DRC4: variants seen among roughly 807,000 people sequenced by gnomAD.
DRC4 encodes dynein regulatory complex subunit 4, also known as GAS-11.
the DRC4 span, among the ~76,000 whole-genome samples, chr16:90,030,311 A>G: frequency 3.5e-4 from 53 of 151,774 alleles, no homozygotes; most frequent in African/African-American, 1.1e-3. Context: ...CTCCTAGTTG[A>G]TATACTCTAA....
chr16:90,043,348 G>GT, the DRC4 span: 7 of 1,603,430 alleles, frequency 4.4e-6, no homozygotes, highest in Non-Finnish European at 6.0e-6. Flanking sequence ...CGACGTAGCT[G>GT]CCCCCCTGGG....
At chr16:90,029,259 A>G in the DRC4 span, 31 of 1,353,238 alleles carry the variant, frequency 2.3e-5, no homozygotes, top group East Asian at 1.5e-3. Context: ...CCACAGACTC[A>G]GAAGGCTTCT....
the DRC4 span, chr16:90,043,896 C>T: frequency 2.4e-4 from 110 of 454,350 alleles, no homozygotes; most frequent in African/African-American, 2.0e-3. Flanking sequence ...AGGCAGCCTC[C>T]CGCTGCCAGT....
chr16:90,035,315 A>C, the DRC4 span, among the ~76,000 whole-genome samples: 1 of 152,186 alleles, frequency 6.6e-6, no homozygotes. Context: ...GACAGGAATG[A>C]ATCCTTTTAA....
At chr16:90,026,615 C>T in the DRC4 span, among the ~76,000 whole-genome samples, 1 of 152,180 alleles carries the variant, frequency 6.6e-6, no homozygotes, top group Non-Finnish European at 1.5e-5. Context: ...AGGGTCTTTC[C>T]TCTGTTTTGC....
At chr16:90,042,690 G>T in the DRC4 span, among the ~76,000 whole-genome samples, 1 of 152,178 alleles carries the variant, frequency 6.6e-6, no homozygotes, top group African/African-American at 2.4e-5. Context: ...AGTCATAGCC[G>T]AGAGCATCTG....
the DRC4 span, among the ~76,000 whole-genome samples, chr16:90,024,144 A>T: frequency 6.7e-6 from 1 of 150,162 alleles, no homozygotes; most frequent in Non-Finnish European, 1.5e-5. Context: ...ACACACTCAC[A>T]CACACACACA....
At chr16:90,037,511 A>G in the DRC4 span, 1 of 1,243,392 alleles carries the variant, frequency 8.0e-7, no homozygotes, top group Non-Finnish European at 1.1e-6. Flanking sequence ...GGAGACGGGG[A>G]GGCCTGCATT....
At chr16:90,039,202 T>C in the DRC4 span, among the ~76,000 whole-genome samples, 1 of 152,118 alleles carries the variant, frequency 6.6e-6, no homozygotes, top group African/African-American at 2.4e-5. Flanking sequence ...GTGGACATTA[T>C]TGGGAAGAGG....
At chr16:90,021,519 A>T in the DRC4 span, among the ~76,000 whole-genome samples, 63,297 of 151,034 alleles carry the variant, frequency 0.42, 14,023 homozygotes, top group East Asian at 0.79. Context: ...CCAGGGCTCA[A>T]ACGATTCTCC....
chr16:90,040,351 G>T, the DRC4 span: 4 of 1,606,498 alleles, frequency 2.5e-6, no homozygotes, highest in Non-Finnish European at 3.4e-6. Context: ...AGCCATCCAG[G>T]AGGTGCAGCA....
chr16:90,022,619 G>C, the DRC4 span: 10 of 1,295,656 alleles, frequency 7.7e-6, no homozygotes, highest in South Asian at 1.3e-4. Flanking sequence ...CGAGGATCTT[G>C]TGACTTATCG....
At chr16:90,042,765 G>C in the DRC4 span, 10 of 561,832 alleles carry the variant, frequency 1.8e-5, no homozygotes, top group Admixed American at 3.0e-5. Flanking sequence ...ATGGGTGTAG[G>C]GGGGGACCTG....
At chr16:90,031,431 G>A in the DRC4 span, 5 of 1,610,844 alleles carry the variant, frequency 3.1e-6, no homozygotes, top group Non-Finnish European at 4.2e-6. Flanking sequence ...GGAGAAGAAG[G>A]CTGAGCTGCG....
chr16:90,026,997 C>T, the DRC4 span, among the ~76,000 whole-genome samples: 1,411 of 151,976 alleles, frequency 9.3e-3, 13 homozygotes, highest in Middle Eastern at 0.068. Context: ...ACTGCAGCCT[C>T]TGCCTCCCGG....
the DRC4 span, chr16:90,043,058 C>T: frequency 7.0e-6 from 7 of 993,440 alleles, no homozygotes; most frequent in African/African-American, 3.3e-5. Context: ...GTGTCCCACA[C>T]GGGAAATGAC....
At chr16:90,020,814 A>G in the DRC4 span, 1 of 152,368 alleles carries the variant, frequency 6.6e-6, no homozygotes, top group East Asian at 1.9e-4. Context: ...GCTGAAAGGA[A>G]TTATTGTTAA....
chr16:90,037,725 A>C, the DRC4 span: 1 of 1,581,478 alleles, frequency 6.3e-7, no homozygotes, highest in African/African-American at 1.3e-5. Context: ...GTGAATCTTG[A>C]ATACTTTCTG....
the DRC4 span, among the ~76,000 whole-genome samples, chr16:90,023,354 G>A: frequency 6.6e-6 from 1 of 152,172 alleles, no homozygotes; most frequent in African/African-American, 2.4e-5. Context: ...GGAGCTCGTG[G>A]CCTCATCAGC....
Sources: allele counts gnomAD v4.1 joint callset (sites outside exome capture counted in the v4.1 genomes callset), GRCh38; gene constraint gnomAD v4.1.1; transcripts MANE v1.5; gene names NCBI Gene and HGNC (gene_info 2026-07-23, HGNC 2026-07-21).